Variants in EPHA6 observed in about 807,000 individuals in gnomAD.
EPHA6 encodes the protein ephrin type-A receptor 6.
Under a neutral mutation model 112.0 loss-of-function variants are expected in EPHA6, and 50 were observed. The ratio of observed to expected loss-of-function variants is 0.45; its 90% CI spans 0.36 to 0.56. The LOEUF (loss-of-function observed/expected upper bound fraction) is 0.56. Ranked by LOEUF, EPHA6 falls within the 20% of genes least tolerant of loss-of-function variation. The pLI is 0.00. For missense variants in EPHA6, 1,280 were observed against 1,417.4 expected (o/e 0.90, Z 1.56); for synonymous variants, 529 against 490.7 (o/e 1.08, Z -1.03).
At chr3:97,039,677 T>C (rs1343433306) in intron 3 of EPHA6, among the ~76,000 whole-genome samples, 1 of 151,976 alleles carries the variant, frequency 6.6e-6, no homozygotes, top group Non-Finnish European at 1.5e-5. Context: ...AATAAGATGG[T>C]TTTTCAATGA....
At chr3:97,129,528 AAC>A (rs1305148928) in intron 3 of EPHA6, among the ~76,000 whole-genome samples, 1 of 151,788 alleles carries the variant, frequency 6.6e-6, no homozygotes, top group African/African-American at 2.4e-5. Flanking sequence ...CAAAAAAAAA[AAC>A]AACAAAAAAA....
At chr3:97,053,799 G>A (rs964629950) in intron 3 of EPHA6, among the ~76,000 whole-genome samples, 3 of 151,948 alleles carry the variant, frequency 2.0e-5, no homozygotes, top group Non-Finnish European at 2.9e-5. Flanking sequence ...CTTCTCAGAG[G>A]CAAATTTACC....
chr3:97,323,379 CTA>C (rs1559882545), intron 5 of EPHA6, among the ~76,000 whole-genome samples: 2 of 151,600 alleles, frequency 1.3e-5, no homozygotes, highest in South Asian at 2.1e-4. Flanking sequence ...AGGTGAAAAA[CTA>C]TTAAACCGAT....
intron 3 of EPHA6, among the ~76,000 whole-genome samples, chr3:97,105,501 C>CAGGTA (rs2047538649): frequency 1.3e-5 from 2 of 152,112 alleles, no homozygotes; most frequent in African/African-American, 2.4e-5. Context: ...TTCTATTGGA[C>CAGGTA]TATTGTCCAA....
intron 2 of EPHA6, among the ~76,000 whole-genome samples, chr3:96,957,113 A>G (rs532090094): frequency 4.6e-5 from 7 of 152,254 alleles, no homozygotes; most frequent in Middle Eastern, 3.4e-3. Flanking sequence ...GACTTAACTG[A>G]AAGTATATTG....
intron 2 of EPHA6, among the ~76,000 whole-genome samples, chr3:96,899,026 T>C: frequency 7.3e-6 from 1 of 136,674 alleles, no homozygotes; most frequent in African/African-American, 2.8e-5. Context: ...AAACTCCATC[T>C]CAAAAAAAAA....
At chr3:97,440,708 A>C (rs2090091538) in intron 6 of EPHA6, among the ~76,000 whole-genome samples, 1 of 151,724 alleles carries the variant, frequency 6.6e-6, no homozygotes, top group African/African-American at 2.4e-5. Flanking sequence ...ACCAATGCAG[A>C]AAAATAAATT....
chr3:97,600,499 G>C (rs564475339), intron 12 of EPHA6, among the ~76,000 whole-genome samples: 13 of 151,992 alleles, frequency 8.6e-5, no homozygotes, highest in African/African-American at 2.2e-4. Flanking sequence ...TTTGTCAAAG[G>C]CTTTTTCTGC....
At chr3:97,191,383 C>A (rs1269532981) in intron 3 of EPHA6, among the ~76,000 whole-genome samples, 2 of 151,776 alleles carry the variant, frequency 1.3e-5, no homozygotes, top group East Asian at 1.9e-4. Context: ...ACCATAATGA[C>A]CCTGTTGTGC....
chr3:97,111,229 TA>T (rs1339994592), intron 3 of EPHA6, among the ~76,000 whole-genome samples: 1 of 152,146 alleles, frequency 6.6e-6, no homozygotes, highest in Non-Finnish European at 1.5e-5. Flanking sequence ...AATTTTCTTA[TA>T]AAAAATTTGG....
At chr3:97,707,019 T>C (rs892556578) in intron 14 of EPHA6, among the ~76,000 whole-genome samples, 1 of 152,196 alleles carries the variant, frequency 6.6e-6, no homozygotes, top group African/African-American at 2.4e-5. Flanking sequence ...ACCAGTGACC[T>C]TCAGTGCCTC....
rs535638263 is a variant in EPHA6 at position 97,129,363 on chromosome 3, G to A, written c.1115-96901G>A. On this transcript the variant is annotated intron_variant, in intron 3 of 17. Coordinates refer to ENST00000389672, the MANE Select transcript of EPHA6 (RefSeq NM_001080448.3). Reference sequence around the variant, plus strand: ...GAACACACAAAAAAATTAGCCAGGCGTGGTGGAGGGTGCCTGTAGTCCCAG... The same window carrying A: ...GAACACACAAAAAAATTAGCCAGGCATGGTGGAGGGTGCCTGTAGTCCCAG... Among the ~76,000 whole-genome samples the A allele has an allele frequency of 4.6e-5, 7 of 152,098 alleles. No individual in the cohort carries two copies. The South Asian group carries it at 6.2e-4, about 14-fold the overall frequency.
At chr3:96,981,898 A>G (rs1416638633) in intron 2 of EPHA6, among the ~76,000 whole-genome samples, 1 of 152,084 alleles carries the variant, frequency 6.6e-6, no homozygotes, top group East Asian at 1.9e-4. Context: ...ATCAGTGGTG[A>G]TATCCCCTTT....
chr3:97,255,323 A>G (rs1206257663), intron 5 of EPHA6, among the ~76,000 whole-genome samples: 1 of 152,178 alleles, frequency 6.6e-6, no homozygotes, highest in Non-Finnish European at 1.5e-5. Flanking sequence ...TAGTGCTTTC[A>G]CCATGGTCAT....
At chr3:97,148,428 A>G (rs967751854) in intron 3 of EPHA6, among the ~76,000 whole-genome samples, 1 of 152,150 alleles carries the variant, frequency 6.6e-6, no homozygotes, top group African/African-American at 2.4e-5. Flanking sequence ...CAATTATGCC[A>G]CTGTATTCCA....
intron 2 of EPHA6, among the ~76,000 whole-genome samples, chr3:96,942,486 G>A (rs977784860): frequency 3.3e-5 from 5 of 152,192 alleles, no homozygotes; most frequent in African/African-American, 9.6e-5. Flanking sequence ...TAGGGTGGGA[G>A]TGACCCGATT....
chr3:97,065,725 TTA>T (rs1251571621), intron 3 of EPHA6, among the ~76,000 whole-genome samples: 6 of 152,098 alleles, frequency 3.9e-5, no homozygotes, highest in African/African-American at 1.4e-4. Flanking sequence ...TTAAATGAGT[TTA>T]TGTCATACAT....
chr3:96,955,663 A>G (rs951889568), intron 2 of EPHA6, among the ~76,000 whole-genome samples: 1 of 152,186 alleles, frequency 6.6e-6, no homozygotes, highest in African/African-American at 2.4e-5. Flanking sequence ...ATAAAGGTTG[A>G]GGTTGGTACT....
intron 13 of EPHA6, among the ~76,000 whole-genome samples, chr3:97,624,618 G>T (rs2093840765): frequency 6.6e-6 from 1 of 151,432 alleles, no homozygotes; most frequent in Admixed American, 6.6e-5. Flanking sequence ...AGTTTGAGGA[G>T]GATTTGTGTT....
Sources: allele counts gnomAD v4.1 joint callset (sites outside exome capture counted in the v4.1 genomes callset), GRCh38; gene constraint gnomAD v4.1.1; transcripts MANE v1.5; gene names NCBI Gene and HGNC (gene_info 2026-07-23, HGNC 2026-07-21).